Variants in BST1 observed in about 807,000 individuals in gnomAD.
The protein encoded by BST1 is bone marrow stromal cell antigen 1.
A neutral mutation model predicts 40.6 loss-of-function variants in BST1; 49 were observed. That is an observed-to-expected ratio of 1.21 (90% confidence interval 0.96 to 1.53). BST1 has a LOEUF of 1.53. BST1 is among the 40% of genes most tolerant of loss of function. The probability of loss-of-function intolerance (pLI) is 0.00; values close to 1 mark genes in which losing one functional copy is unlikely to be tolerated. For missense variants in BST1, 423 were observed against 395.9 expected, an observed-to-expected ratio of 1.07 and a Z score of -0.58; for synonymous variants, 157 against 159.3, an observed-to-expected ratio of 0.99 and a Z score of 0.11.
At chr4:15,741,726 AC>A (rs1476110870), downstream of BST1, among the ~76,000 whole-genome samples, 2 of 152,184 alleles carry the variant, frequency 1.3e-5, no homozygotes, top group Non-Finnish European at 2.9e-5. Context: ...TTTTACTGGA[AC>A]TCAGCCATGC....
chr4:15,749,544 G>A, the BST1 span, among the ~76,000 whole-genome samples: 1 of 152,098 alleles, frequency 6.6e-6, no homozygotes, highest in East Asian at 1.9e-4. Flanking sequence ...ATTTTATTAT[G>A]TTTTCAAAGC....
At chr4:15,726,201 C>A (rs1400083840) in intron 8 of BST1, among the ~76,000 whole-genome samples, 1 of 128,774 alleles carries the variant, frequency 7.8e-6, no homozygotes, top group Non-Finnish European at 1.6e-5. Context: ...CAAATTCATT[C>A]TTTAGCGCCT....
intron 3 of BST1, among the ~76,000 whole-genome samples, chr4:15,710,013 C>T (rs1720105267): frequency 6.6e-6 from 1 of 151,976 alleles, no homozygotes; most frequent in Admixed American, 6.6e-5. Context: ...CACTCTGCCA[C>T]CCGGGCTGTA....
At chr4:15,764,216 CT>C in the BST1 span, among the ~76,000 whole-genome samples, 1 of 151,824 alleles carries the variant, frequency 6.6e-6, no homozygotes, top group Non-Finnish European at 1.5e-5. Context: ...TAAAGCTGCT[CT>C]AAAAAATGAA....
chr4:15,744,314 G>A, the BST1 span, among the ~76,000 whole-genome samples: 1 of 152,080 alleles, frequency 6.6e-6, no homozygotes, highest in African/African-American at 2.4e-5. Context: ...CACGTGGTTG[G>A]GGAGGCCTCA....
At chr4:15,740,346 C>A (rs1402269509), downstream of BST1, among the ~76,000 whole-genome samples, 1 of 152,186 alleles carries the variant, frequency 6.6e-6, no homozygotes, top group Non-Finnish European at 1.5e-5. Flanking sequence ...CATGAGCCAC[C>A]ATGTCGGGCC....
chr4:15,731,534 C>T lies in BST1; in HGVS notation c.852-206C>T. On this transcript the variant is annotated intron_variant, in intron 8 of 8. Coordinates refer to ENST00000265016, the MANE Select transcript of BST1 (RefSeq NM_004334.3). Reference sequence around the variant, plus strand: ...TTCTTGAAGCTGATCTGCAACTCCACCATCTCCAGAAACTTGGGGTGCTTG... The same window carrying T: ...TTCTTGAAGCTGATCTGCAACTCCATCATCTCCAGAAACTTGGGGTGCTTG... 2.9e-6 allele frequency: 3 copies of T among 1,044,482 alleles called. No homozygotes were observed. The South Asian group carries it at 3.9e-5, about 14-fold the overall frequency. The allele number at this position is 1,044,482 out of a possible 1,614,324, so 64.7% of individuals were successfully genotyped here.
At chr4:15,737,894 C>A in exon 7 of BST1, 1 of 1,086,884 alleles carries the variant, frequency 9.2e-7, no homozygotes, top group Non-Finnish European at 1.2e-6. Context: ...GAGGCTCTGG[C>A]AAGAGTTGAG....
At chr4:15,703,354 A>G in intron 1 of BST1, 22 bp downstream of exon 1, 1 of 1,491,484 alleles carries the variant, frequency 6.7e-7, no homozygotes. Flanking sequence ...GGCCGGGTGG[A>G]AGGGGAGCCG....
chr4:15,768,748 A>G, the BST1 span, among the ~76,000 whole-genome samples: 1 of 151,986 alleles, frequency 6.6e-6, no homozygotes, highest in African/African-American at 2.4e-5. Context: ...CACCCGCCTC[A>G]GCCTCCCAAA....
chr4:15,744,267 A>G, the BST1 span, among the ~76,000 whole-genome samples: 1 of 152,122 alleles, frequency 6.6e-6, no homozygotes, highest in African/African-American at 2.4e-5. Context: ...AGACTGGGTA[A>G]TTTTTAAAGG....
chr4:15,766,123 C>A, the BST1 span, among the ~76,000 whole-genome samples: 5 of 151,890 alleles, frequency 3.3e-5, no homozygotes, highest in Admixed American at 1.3e-4. Flanking sequence ...GTACCTGAGA[C>A]AAAGACTGTT....
intron 8 of BST1, among the ~76,000 whole-genome samples, chr4:15,723,968 G>T (rs1720964528): frequency 6.6e-6 from 1 of 152,156 alleles, no homozygotes; most frequent in African/African-American, 2.4e-5. Context: ...TGGGCAGGAA[G>T]ATTTCTGATC....
chr4:15,771,531 A>T, the BST1 span, among the ~76,000 whole-genome samples: 1 of 152,230 alleles, frequency 6.6e-6, no homozygotes, highest in South Asian at 2.1e-4. Context: ...TGTTTATTAC[A>T]TTTCACAGAA....
chr4:15,719,774 C>T (rs1720709440), intron 7 of BST1, among the ~76,000 whole-genome samples: 1 of 152,172 alleles, frequency 6.6e-6, no homozygotes, highest in Non-Finnish European at 1.5e-5. Flanking sequence ...TCCAGCAGCC[C>T]CATGGGCTGG....
rs1560274916 is a variant in BST1, at chr4:15,703,717, G to GT, written c.188+385_188+386insT. The stretch of plus-strand genomic sequence containing the variant: ...TGTGTGTGTGTGCTCTAGAGGTGGG[G>GT]GTGTGTGTGTGTGTGTGTGCTCTAG... On this transcript the variant is annotated intron_variant, in intron 1 of 8. Coordinates refer to ENST00000265016, the MANE Select transcript of BST1 (RefSeq NM_004334.3). Among the ~76,000 whole-genome samples the GT allele has an allele frequency of 2.5e-3, 319 of 127,778 alleles. 2 individuals are homozygous for GT. The highest frequency in any genetic ancestry group is 8.0e-3 in the African/African-American group (264 of 32,798). 83.8% of individuals were successfully genotyped at this position (127,778 alleles called of 152,430 possible).
In BST1 at chr4:15,703,178, C is replaced by T; in HGVS notation, c.34C>T (p.Leu12Phe). ...AAQGCAASRL[L>F]QLLLQLLLLL... is the part of the protein sequence containing the mutation. Reference sequence around the variant, plus strand: ...CCAGGGGTGCGCGGCATCGCGGCTGCTCCAGCTGCTGCTGCAGCTTCTGCT... The same window carrying T: ...CCAGGGGTGCGCGGCATCGCGGCTGTTCCAGCTGCTGCTGCAGCTTCTGCT... The change falls in exon 1 of 9, where the codon CTC becomes TTC. Residue 12 changes from leucine (L) to phenylalanine (F), a missense_variant. Transcript: ENST00000265016. The T allele has an allele frequency of 6.4e-7, 1 of 1,563,242 alleles. No homozygotes were observed. The highest frequency in any genetic ancestry group is 2.4e-5 in the East Asian group (1 of 41,750).
At chr4:15,764,063 A>G in the BST1 span, among the ~76,000 whole-genome samples, 157 of 152,162 alleles carry the variant, frequency 1.0e-3, 1 homozygote, top group Admixed American at 1.7e-3. Flanking sequence ...TTGGGTGATA[A>G]TGAGAAGTCA....
At chr4:15,707,702 A>G in intron 3 of BST1, 56 bp downstream of exon 3, 2 of 1,592,634 alleles carry the variant, frequency 1.3e-6, no homozygotes, top group Non-Finnish European at 1.7e-6. Flanking sequence ...ACTATGCATT[A>G]CCATTTGTGC....
Sources: gnomAD v4.1 joint callset for allele counts (sites outside exome capture counted in the v4.1 genomes callset) on GRCh38, gnomAD v4.1.1 for gene constraint, MANE v1.5 for transcripts, NCBI Gene and HGNC (gene_info 2026-07-23, HGNC 2026-07-21) for gene names.